Variants in ITGA8 observed in about 807,000 individuals in gnomAD.
ITGA8 encodes integrin subunit alpha 8, also known as integrin alpha-8.
A neutral mutation model predicts 142.3 loss-of-function variants in ITGA8; 91 were observed. That is an observed-to-expected ratio of 0.64 (90% CI 0.54 to 0.76). ITGA8 has a LOEUF of 0.76. Among genes scored for constraint, ITGA8 ranks in the 30% least tolerant of loss-of-function variants. ITGA8 has a pLI of 0.00. For missense variants in ITGA8, 1,406 were observed against 1,327.7 expected (o/e 1.06, Z -0.92); for synonymous variants, 505 against 485.2 (o/e 1.04, Z -0.54).
At chr10:15,570,623 A>T (rs1834162646) in intron 25 of ITGA8, among the ~76,000 whole-genome samples, 1 of 151,312 alleles carries the variant, frequency 6.6e-6, no homozygotes, top group African/African-American at 2.4e-5. Flanking sequence ...AAAAAAAAAA[A>T]AAAAAAAAAA....
In ITGA8 at chr10:15,638,164, T is replaced by C. The variant is rs539888931; in HGVS notation, c.1399+5866A>G. On this transcript the variant is annotated intron_variant, in intron 13 of 29. Coordinates refer to ENST00000378076, the MANE Select transcript of ITGA8 (RefSeq NM_003638.3). ...GATTATATACAAAACATCTGTAGCATGCAGAACAGATCGTTTGACAATGAA... is the reference window on the plus strand; with the variant it reads ...GATTATATACAAAACATCTGTAGCACGCAGAACAGATCGTTTGACAATGAA... Among the ~76,000 whole-genome samples, 47 of 152,330 alleles carry C rather than the reference T, an allele frequency of 3.1e-4. 2 individuals carry two copies. The South Asian group carries it at 9.5e-3, about 31-fold the overall frequency.
chr10:15,626,328 C>A (rs1791539463), intron 13 of ITGA8, among the ~76,000 whole-genome samples: 1 of 152,196 alleles, frequency 6.6e-6, no homozygotes, highest in African/African-American at 2.4e-5. Context: ...TCAAGCAATT[C>A]TCCTGCCTTA....
At chr10:15,529,740 G>A (rs889856200) in intron 28 of ITGA8, among the ~76,000 whole-genome samples, 8 of 152,206 alleles carry the variant, frequency 5.3e-5, no homozygotes, top group Non-Finnish European at 1.2e-4. Flanking sequence ...AAGATTCAGT[G>A]TTACAATTAA....
Position 15,532,418 on chromosome 10 carries a change from CAAAAAAAAAAAA to C in ITGA8, c.2881-1279_2881-1268del, listed in dbSNP as rs35130036. ...TGCGCAACCGAGTGAGACTCCCTCT[CAAAAAAAAAAAA>C]AAAAAAAAAAAAAAAAGCCTCTAGT... is the stretch of plus-strand genomic sequence containing the variant. On this transcript the variant is annotated intron_variant, in intron 27 of 29. Transcript: ENST00000378076. Among the ~76,000 whole-genome samples the C allele has an allele frequency of 3.2e-4, 9 of 27,824 alleles. 1 individual carries two copies. Among genetic ancestry groups the C allele is most frequent in the South Asian group, 2.9e-3 (1 of 346 alleles). The allele number at this position is 27,824 out of a possible 152,430, so 18.3% of individuals were successfully genotyped here. A position where few individuals can be genotyped will look rare whatever the true frequency, so the allele number is the denominator to read the frequency against.
intron 25 of ITGA8, among the ~76,000 whole-genome samples, chr10:15,563,872 G>A (rs1318746365): frequency 6.6e-6 from 1 of 151,720 alleles, no homozygotes; most frequent in African/African-American, 2.4e-5. Flanking sequence ...AGCCAAGATA[G>A]TGCCACTGCA....
chr10:15,701,001 A>T (rs976670808), intron 2 of ITGA8, among the ~76,000 whole-genome samples: 2 of 152,140 alleles, frequency 1.3e-5, no homozygotes, highest in Admixed American at 1.3e-4. Context: ...TTCCACAGAG[A>T]TGTTGTCTGC....
intron 13 of ITGA8, among the ~76,000 whole-genome samples, chr10:15,638,622 T>C (rs1166482382): frequency 6.6e-6 from 1 of 152,208 alleles, no homozygotes; most frequent in Admixed American, 6.5e-5. Flanking sequence ...TGTTGATAAG[T>C]GTGGCTTCTC....
chr10:15,629,241 C>G (rs866841054), intron 13 of ITGA8, among the ~76,000 whole-genome samples: 1 of 151,948 alleles, frequency 6.6e-6, no homozygotes, highest in African/African-American at 2.4e-5. Flanking sequence ...GGTTCCTGAA[C>G]GAGATGAAAA....
At chr10:15,639,644 C>T (rs1687549450) in intron 13 of ITGA8, among the ~76,000 whole-genome samples, 1 of 152,240 alleles carries the variant, frequency 6.6e-6, no homozygotes, top group African/African-American at 2.4e-5. Context: ...TTGATAAACA[C>T]ACCCAGGTGA....
intron 4 of ITGA8, among the ~76,000 whole-genome samples, chr10:15,679,514 G>A (rs907436211): frequency 5.9e-5 from 9 of 152,070 alleles, no homozygotes; most frequent in Admixed American, 2.6e-4. Flanking sequence ...CCCAGGAGGC[G>A]GAGGTTGCAG....
intron 15 of ITGA8, among the ~76,000 whole-genome samples, chr10:15,610,380 A>C (rs1833270599): frequency 6.6e-6 from 1 of 152,202 alleles, no homozygotes; most frequent in Non-Finnish European, 1.5e-5. Context: ...ACAGCTAATT[A>C]CAAAGTATAC....
At chr10:15,670,822 AG>A (rs1834499784) in intron 8 of ITGA8, among the ~76,000 whole-genome samples, 1 of 152,190 alleles carries the variant, frequency 6.6e-6, no homozygotes, top group African/African-American at 2.4e-5. Context: ...AGCTGAGCCC[AG>A]ACTTTGCTCG....
intron 13 of ITGA8, 65 bp from the exon 14 acceptor site, chr10:15,616,624 A>C: frequency 7.4e-7 from 1 of 1,358,264 alleles, no homozygotes; most frequent in Non-Finnish European, 1.1e-6. Flanking sequence ...TAAGTTCAAA[A>C]TCGTAAGTAG....
chr10:15,681,606 C>T (rs1182179777), intron 4 of ITGA8, among the ~76,000 whole-genome samples: 2 of 152,220 alleles, frequency 1.3e-5, no homozygotes, highest in African/African-American at 2.4e-5. Flanking sequence ...TCTGAGCCCT[C>T]ACATCCCACA....
At chr10:15,548,431 T>G in intron 27 of ITGA8, 24 bp downstream of exon 27, 1 of 1,510,456 alleles carries the variant, frequency 6.6e-7, no homozygotes, top group Non-Finnish European at 9.2e-7. Flanking sequence ...GCAGTGTGTA[T>G]GTGCTTCTGT....
At chr10:15,533,913 C>CTT (rs572087349) in intron 27 of ITGA8, among the ~76,000 whole-genome samples, 3 of 146,690 alleles carry the variant, frequency 2.0e-5, no homozygotes, top group African/African-American at 2.5e-5. Context: ...CATCACCAAT[C>CTT]TTTTTTTTTT....
At chr10:15,692,783 CT>C (rs1303290184) in intron 2 of ITGA8, among the ~76,000 whole-genome samples, 2 of 152,186 alleles carry the variant, frequency 1.3e-5, no homozygotes, top group African/African-American at 4.8e-5. Flanking sequence ...AAGCATGCAT[CT>C]TGGCCAGGTG....
intron 8 of ITGA8, among the ~76,000 whole-genome samples, chr10:15,662,179 A>G (rs961069019): frequency 4.6e-5 from 7 of 152,128 alleles, no homozygotes; most frequent in African/African-American, 1.7e-4. Context: ...GATCCTCCTA[A>G]TTTTTTAATA....
chr10:15,701,542 A>G (rs1291806828), intron 2 of ITGA8, among the ~76,000 whole-genome samples: 11 of 151,852 alleles, frequency 7.2e-5, no homozygotes, highest in Admixed American at 6.6e-4. Context: ...GGGGATGTGG[A>G]ATATGGTGGA....
Sources: allele counts gnomAD v4.1 joint callset (sites outside exome capture counted in the v4.1 genomes callset), GRCh38; gene constraint gnomAD v4.1.1; transcripts MANE v1.5; gene names NCBI Gene and HGNC (gene_info 2026-07-23, HGNC 2026-07-21).